PDE4B: variants seen among roughly 807,000 people sequenced by gnomAD.
PDE4B encodes 3',5'-cyclic-AMP phosphodiesterase 4B.
In PDE4B, 20 loss-of-function variants were observed where a neutral mutation model predicts 82.2. That is an observed-to-expected ratio of 0.24 (90% CI 0.17 to 0.35). The LOEUF (loss-of-function observed/expected upper bound fraction) is 0.35, where lower values mean the gene tolerates loss of function less well. Among genes scored for constraint, PDE4B ranks in the 10% least tolerant of loss-of-function variants. The pLI is 1.00. For synonymous variants in PDE4B, 320 were observed against 318.9 expected, an observed-to-expected ratio of 1.00 and a Z score of -0.04; for missense variants, 655 against 907.2, an observed-to-expected ratio of 0.72 and a Z score of 3.57.
chr1:66,056,465 A>ATATC (rs5774790), intron 3 of PDE4B, among the ~76,000 whole-genome samples: 29,110 of 147,288 alleles, frequency 0.2, 3,292 homozygotes, highest in Non-Finnish European at 0.26. Flanking sequence ...AGGAAATTTT[A>ATATC]TATCTATCTA....
At chr1:66,131,343 T>G (rs1433525334) in intron 3 of PDE4B, among the ~76,000 whole-genome samples, 1 of 151,858 alleles carries the variant, frequency 6.6e-6, no homozygotes, top group African/African-American at 2.4e-5. Context: ...TTGACCTTAT[T>G]ATTTCCAATA....
chr1:66,275,764 C>G (rs546633601), intron 7 of PDE4B, among the ~76,000 whole-genome samples: 13 of 152,124 alleles, frequency 8.5e-5, no homozygotes, highest in East Asian at 3.8e-4. Context: ...CAGGGAACAG[C>G]CTTTCACCCA....
chr1:66,164,762 T>C (rs1329199557), intron 3 of PDE4B, among the ~76,000 whole-genome samples: 1 of 135,918 alleles, frequency 7.4e-6, no homozygotes, highest in Admixed American at 7.3e-5. Context: ...TTTCTTTTTT[T>C]TTTTTTTTTT....
At chr1:66,135,419 G>C (rs1646036617) in intron 3 of PDE4B, among the ~76,000 whole-genome samples, 1 of 152,170 alleles carries the variant, frequency 6.6e-6, no homozygotes. Context: ...CTCGCCATCA[G>C]GGGAAGCAAT....
intron 7 of PDE4B, among the ~76,000 whole-genome samples, chr1:66,300,414 C>T (rs1261875925): frequency 6.6e-6 from 1 of 152,110 alleles, no homozygotes; most frequent in Non-Finnish European, 1.5e-5. Context: ...GTGGCACCTC[C>T]TTGCTCAGAG....
At chr1:65,967,932 G>T (rs1209554144) in intron 3 of PDE4B, among the ~76,000 whole-genome samples, 1 of 151,962 alleles carries the variant, frequency 6.6e-6, no homozygotes, top group East Asian at 1.9e-4. Flanking sequence ...ATGGGTTGAT[G>T]GGTGCAACAA....
At chr1:66,354,801 T>C in intron 8 of PDE4B, 2 of 1,535,132 alleles carry the variant, frequency 1.3e-6, no homozygotes. Context: ...GAACTGTGAA[T>C]TCTTTCAAAG....
intron 12 of PDE4B, among the ~76,000 whole-genome samples, chr1:66,364,016 C>T (rs565838412): frequency 1.1e-4 from 17 of 152,200 alleles, no homozygotes; most frequent in Middle Eastern, 3.4e-3. Flanking sequence ...AACAGAATTT[C>T]AGGGCAGGAA....
At chr1:66,118,809 A>G (rs532419659) in intron 3 of PDE4B, among the ~76,000 whole-genome samples, 3 of 152,178 alleles carry the variant, frequency 2.0e-5, no homozygotes, top group South Asian at 2.1e-4. Context: ...CCTTGTTCCT[A>G]ACGTGCCCTA....
At chr1:65,819,504 G>GTTTTTTTTTT (rs35338207) in intron 1 of PDE4B, among the ~76,000 whole-genome samples, 1 of 114,176 alleles carries the variant, frequency 8.8e-6, no homozygotes. Context: ...TTTTTGTTTT[G>GTTTTTTTTTT]TTTTTTTTTT....
At chr1:66,366,093 T>C (rs1025339638) in intron 13 of PDE4B, among the ~76,000 whole-genome samples, 7 of 152,122 alleles carry the variant, frequency 4.6e-5, no homozygotes, top group African/African-American at 1.7e-4. Context: ...GATAATGACT[T>C]TTTATATTAT....
intron 3 of PDE4B, among the ~76,000 whole-genome samples, chr1:66,134,214 T>A (rs1022548828): frequency 2.0e-5 from 3 of 152,152 alleles, no homozygotes; most frequent in Non-Finnish European, 4.4e-5. Context: ...GAGAAACAAT[T>A]ATGTCTTAGG....
chr1:66,346,802 CAGATAAAACCTAGCTTCA>C (rs1007390364), intron 8 of PDE4B, among the ~76,000 whole-genome samples: 1 of 152,130 alleles, frequency 6.6e-6, no homozygotes, highest in Non-Finnish European at 1.5e-5. Flanking sequence ...TTGAAATTTA[CAGATAAAACCTAGCTTCA>C]AGTACAAATC....
chr1:66,260,530 A>G (rs1654602675), intron 6 of PDE4B, among the ~76,000 whole-genome samples: 1 of 152,216 alleles, frequency 6.6e-6, no homozygotes, highest in South Asian at 2.1e-4. Flanking sequence ...GAAGGGATTA[A>G]TATGGACACA....
At chr1:66,264,824 A>C (rs1048395261) in intron 6 of PDE4B, among the ~76,000 whole-genome samples, 2 of 152,208 alleles carry the variant, frequency 1.3e-5, no homozygotes, top group African/African-American at 4.8e-5. Context: ...GTCATTTAGA[A>C]TTTGGCTTCG....
chr1:65,846,961 A>G (rs1177090745), intron 1 of PDE4B, among the ~76,000 whole-genome samples: 1 of 152,202 alleles, frequency 6.6e-6, no homozygotes, highest in African/African-American at 2.4e-5. Context: ...TATTGATTCA[A>G]TGTGGGAAGA....
intron 13 of PDE4B, among the ~76,000 whole-genome samples, chr1:66,366,967 A>G (rs989179248): frequency 6.6e-6 from 1 of 152,200 alleles, no homozygotes; most frequent in Non-Finnish European, 1.5e-5. Flanking sequence ...TTAAGAGAAA[A>G]TGTGGTTTCA....
intron 3 of PDE4B, among the ~76,000 whole-genome samples, chr1:66,075,243 C>A (rs1418084654): frequency 6.6e-6 from 1 of 151,974 alleles, no homozygotes; most frequent in Non-Finnish European, 1.5e-5. Context: ...CAAAAATTAT[C>A]CCATGCTAAG....
chr1:66,105,584 G>T (rs976725291), intron 3 of PDE4B, among the ~76,000 whole-genome samples: 2 of 151,980 alleles, frequency 1.3e-5, no homozygotes, highest in Non-Finnish European at 2.9e-5. Flanking sequence ...ATGGAATGTT[G>T]TTCCATTTGT....
Sources: allele counts gnomAD v4.1 joint callset (sites outside exome capture counted in the v4.1 genomes callset), GRCh38; gene constraint gnomAD v4.1.1; transcripts MANE v1.5; gene names NCBI Gene and HGNC (gene_info 2026-07-23, HGNC 2026-07-21).